Variants in B3GAT2 observed in about 807,000 individuals in gnomAD.
B3GAT2 encodes the protein beta-1,3-glucuronyltransferase 2.
Under a neutral mutation model 27.8 loss-of-function variants are expected in B3GAT2, and 26 were observed. That is an observed-to-expected ratio of 0.93 (90% CI 0.68 to 1.30). The LOEUF is 1.30. Among genes scored for constraint, B3GAT2 ranks in the 50% most tolerant of loss-of-function variants. The pLI is 0.00. For synonymous variants in B3GAT2, 218 were observed against 195.1 expected, an observed-to-expected ratio of 1.12 and a Z score of -0.98; for missense variants, 458 against 459.0, an observed-to-expected ratio of 1.00 and a Z score of 0.02.
At chr6:70,914,904 C>A (rs1305932498) in intron 1 of B3GAT2, among the ~76,000 whole-genome samples, 1 of 152,126 alleles carries the variant, frequency 6.6e-6, no homozygotes, top group East Asian at 1.9e-4. Flanking sequence ...GCTTTATAAT[C>A]CTTTGGGTAT....
At position 70,858,106 on chromosome 6, in the gene B3GAT2, T is replaced by A. The variant is rs767098838; in HGVS notation, c.*3557A>T. On this transcript the variant is annotated 3_prime_UTR_variant, in exon 4 of 4. Coordinates refer to ENST00000230053, the MANE Select transcript of B3GAT2 (RefSeq NM_080742.3). ...ATGGGTTTATGGGAAATGCACAAAC[T>A]GGTGTGATGCCACTTCCTCAGAACG... The A allele has an allele frequency of 6.2e-7, 1 of 1,613,922 alleles. No individual in the cohort carries two copies. The highest frequency in any genetic ancestry group is 8.5e-7 in the Non-Finnish European group (1 of 1,179,982).
intron 1 of B3GAT2, 41 bp from the exon 2 acceptor site, chr6:70,894,313 G>C (rs749154854): frequency 9.2e-6 from 14 of 1,518,676 alleles, no homozygotes; most frequent in Non-Finnish European, 1.2e-5. Flanking sequence ...GTTTCCTTAG[G>C]AAAAAGAGGG....
At chr6:70,925,783 T>C (rs897472553) in intron 1 of B3GAT2, among the ~76,000 whole-genome samples, 3 of 152,218 alleles carry the variant, frequency 2.0e-5, no homozygotes, top group Non-Finnish European at 4.4e-5. Context: ...TCTGACAGCT[T>C]TGAAGAGAGC....
chr6:70,889,811 C>G (rs1175761425), intron 2 of B3GAT2, among the ~76,000 whole-genome samples: 1 of 148,494 alleles, frequency 6.7e-6, no homozygotes, highest in Admixed American at 6.7e-5. Context: ...TTGAAACAGT[C>G]TCCCTGTGTC....
intron 2 of B3GAT2, among the ~76,000 whole-genome samples, chr6:70,887,145 T>C (rs1322074817): frequency 6.6e-6 from 1 of 152,236 alleles, no homozygotes; most frequent in Non-Finnish European, 1.5e-5. Flanking sequence ...TCCATTTTCT[T>C]GCAGTATTTA....
At chr6:70,946,196 T>C (rs1321347690) in intron 1 of B3GAT2, among the ~76,000 whole-genome samples, 3 of 152,090 alleles carry the variant, frequency 2.0e-5, no homozygotes, top group East Asian at 3.9e-4. Context: ...AACATCATAA[T>C]GACAGGATCA....
In B3GAT2 at chr6:70,860,378, C is replaced by G. The variant is rs764122393; in HGVS notation, c.*1285G>C. 49 of 1,569,408 alleles carry G rather than the reference C, an allele frequency of 3.1e-5. 1 individual carries two copies. The African/African-American group carries it at 6.0e-4, about 19-fold the overall frequency. On this transcript the variant is annotated 3_prime_UTR_variant, in exon 4 of 4. Coordinates refer to ENST00000230053, the MANE Select transcript of B3GAT2 (RefSeq NM_080742.3). ...CATCCAGAACTACCACCTGACATTC[C>G]TTGCTGAAACGCATCTAGTTCCCCT...
chr6:70,929,023 T>C (rs988546138), intron 1 of B3GAT2, among the ~76,000 whole-genome samples: 1 of 152,164 alleles, frequency 6.6e-6, no homozygotes, highest in Non-Finnish European at 1.5e-5. Flanking sequence ...TGGAATACTA[T>C]GCAGCCATAA....
At chr6:70,884,176 G>A (rs1329178958) in intron 2 of B3GAT2, among the ~76,000 whole-genome samples, 1 of 150,552 alleles carries the variant, frequency 6.6e-6, no homozygotes, top group African/African-American at 2.5e-5. Flanking sequence ...TGGTCTCTTT[G>A]CTCCTAGGTG....
In B3GAT2 at chr6:70,857,094, A is replaced by C; in HGVS notation, c.*4569T>G. 7.0e-7 allele frequency: 1 copy of C among 1,429,352 alleles called. No homozygotes were observed. Among genetic ancestry groups the C allele is most frequent in the Non-Finnish European group, 9.4e-7 (1 of 1,066,700 alleles). 88.5% of individuals were successfully genotyped at this position (1,429,352 alleles called of 1,614,324 possible). Reference sequence around the variant, plus strand: ...GAAGTACATCCTTTGTAATTATATAATAAGATCAATTATATATCTTTTATT... The same window carrying C: ...GAAGTACATCCTTTGTAATTATATACTAAGATCAATTATATATCTTTTATT... On this transcript the variant is annotated 3_prime_UTR_variant, in exon 4 of 4. Transcript: ENST00000230053.
Position 70,860,400 on chromosome 6 carries a change from C to T in B3GAT2, c.*1263G>A. On this transcript the variant is annotated 3_prime_UTR_variant, in exon 4 of 4. Coordinates refer to ENST00000230053, the MANE Select transcript of B3GAT2 (RefSeq NM_080742.3). ...TTCCTTGCTGAAACGCATCTAGTTC[C>T]CCTGTTTATTCATATGCATATTTTT... The T allele has an allele frequency of 1.3e-6, 2 of 1,540,604 alleles. No homozygotes were observed. The highest frequency in any genetic ancestry group is 1.7e-6 in the Non-Finnish European group (2 of 1,144,544).
At chr6:70,902,448 T>C (rs1364006333) in intron 1 of B3GAT2, among the ~76,000 whole-genome samples, 2 of 151,970 alleles carry the variant, frequency 1.3e-5, no homozygotes, top group Non-Finnish European at 2.9e-5. Flanking sequence ...ATATTAAAAA[T>C]AGAGCTACCA....
At chr6:70,880,273 C>A (rs1772081278) in intron 2 of B3GAT2, among the ~76,000 whole-genome samples, 1 of 152,108 alleles carries the variant, frequency 6.6e-6, no homozygotes, top group Non-Finnish European at 1.5e-5. Context: ...TCACAGTGAA[C>A]CAGGCCTTGT....
chr6:70,858,286 T>G lies in B3GAT2; in HGVS notation c.*3377A>C. On this transcript the variant is annotated 3_prime_UTR_variant, in exon 4 of 4. Coordinates refer to ENST00000230053, the MANE Select transcript of B3GAT2 (RefSeq NM_080742.3). ...AATCAAACCAGATTTATTTTCTAAATCTTTTTTTTTTTTTTTTTTTTTTTT... is the reference window on the plus strand; with the variant it reads ...AATCAAACCAGATTTATTTTCTAAAGCTTTTTTTTTTTTTTTTTTTTTTTT... The G allele has an allele frequency of 3.5e-6, 1 of 288,984 alleles. No individual in the cohort carries two copies. The highest frequency in any genetic ancestry group is 6.0e-6 in the Non-Finnish European group (1 of 166,346). The allele number at this position is 288,984 out of a possible 1,614,324, so 17.9% of individuals were successfully genotyped here. A position where few individuals can be genotyped will look rare whatever the true frequency, so the allele number is the denominator to read the frequency against.
intron 1 of B3GAT2, among the ~76,000 whole-genome samples, chr6:70,902,822 A>T (rs1299851235): frequency 6.6e-6 from 1 of 152,040 alleles, no homozygotes; most frequent in East Asian, 1.9e-4. Context: ...CTCACTGATA[A>T]ATGGAATCTT....
At chr6:70,878,513 T>C (rs1772049897) in intron 2 of B3GAT2, among the ~76,000 whole-genome samples, 1 of 152,236 alleles carries the variant, frequency 6.6e-6, no homozygotes, top group Non-Finnish European at 1.5e-5. Flanking sequence ...TACTATAGTT[T>C]ATCTCTTTAT....
intron 2 of B3GAT2, among the ~76,000 whole-genome samples, chr6:70,881,639 G>A (rs1772100453): frequency 2.6e-5 from 4 of 152,150 alleles, no homozygotes; most frequent in African/African-American, 9.7e-5. Context: ...CTGCCCAGAA[G>A]TCAGGCAGAA....
chr6:70,894,625 A>G (rs1772348148), intron 1 of B3GAT2, among the ~76,000 whole-genome samples: 1 of 152,232 alleles, frequency 6.6e-6, no homozygotes, highest in African/African-American at 2.4e-5. Context: ...CCGAGGTGAG[A>G]AAGTTTAATT....
intron 1 of B3GAT2, among the ~76,000 whole-genome samples, chr6:70,948,555 CA>C (rs1171028713): frequency 6.6e-6 from 1 of 151,646 alleles, no homozygotes; most frequent in Non-Finnish European, 1.5e-5. Flanking sequence ...AGGAGAACTA[CA>C]AACCACTGCT....
Sources: allele counts gnomAD v4.1 joint callset (sites outside exome capture counted in the v4.1 genomes callset), GRCh38; gene constraint gnomAD v4.1.1; transcripts MANE v1.5; gene names NCBI Gene and HGNC (gene_info 2026-07-23, HGNC 2026-07-21).